The following ZNF528 variants were observed in gnomAD, a reference collection of about 807,000 sequenced individuals.
The protein encoded by ZNF528 is zinc finger protein 528.
Under a neutral mutation model 13.3 loss-of-function variants are expected in ZNF528, and 9 were observed. That is an observed-to-expected ratio of 0.67 (90% CI 0.41 to 1.18). The LOEUF (loss-of-function observed/expected upper bound fraction) is 1.18, where lower values mean the gene tolerates loss of function less well. Ranked by LOEUF, ZNF528 falls within the 50% of genes most tolerant of loss-of-function variation. The pLI is 0.01. For synonymous variants in ZNF528, 264 were observed against 254.3 expected (o/e 1.04, Z -0.36); for missense variants, 858 against 745.4 (o/e 1.15, Z -1.76).
chr19:52,416,312 A>C lies in ZNF528; in HGVS notation c.1460A>C (p.His487Pro). Residue 487 changes from histidine to proline, a missense_variant, in exon 7 of 7, where the codon CAT becomes CCT. Transcript: ENST00000360465. Reference protein sequence around the residue: ...KSSLTSHHRIHTGEKPYKCNR... With the variant: ...KSSLTSHHRIPTGEKPYKCNR... ...TCTCTAACCAGTCATCATAGAATTC[A>C]TACTGGAGAGAAGCCTTACAAATGT... 2 of 1,614,180 alleles carry C rather than the reference A, an allele frequency of 1.2e-6. No homozygotes were observed. Among genetic ancestry groups the C allele is most frequent in the Non-Finnish European group, 1.7e-6 (2 of 1,179,998 alleles).
chr19:52,414,095 C>A, intron 6 of ZNF528: 1 of 648,738 alleles, frequency 1.5e-6, no homozygotes, highest in Admixed American at 2.3e-5. Context: ...GTTCGCAGTA[C>A]TTTAGAGCAC....
chr19:52,402,264 A>C (rs1215861677), intron 4 of ZNF528, among the ~76,000 whole-genome samples: 2 of 152,158 alleles, frequency 1.3e-5, no homozygotes, highest in African/African-American at 2.4e-5. Flanking sequence ...CTCAGCAGAC[A>C]TGGATGGAGA....
chr19:52,414,377 T>C (rs1405101808), intron 6 of ZNF528: 1 of 699,288 alleles, frequency 1.4e-6, no homozygotes, highest in Admixed American at 2.0e-5. Context: ...AGGTGTATAT[T>C]TGGAAGAAGG....
rs151156724 is a variant in ZNF528, at chr19:52,398,868, G to A, written c.-137+249G>A. ...AGGAGAACAGGGAGAACCACAGCAG[G>A]GGGAGGCCTGGGATCTAAGGGTGCC... On this transcript the variant is annotated intron_variant, in intron 2 of 6. Transcript: ENST00000360465. Among the ~76,000 whole-genome samples the A allele has an allele frequency of 9.3e-3, 1,422 of 152,228 alleles. 28 individuals are homozygous for A. The highest frequency in any genetic ancestry group is 0.033 in the African/African-American group (1,360 of 41,538).
chr19:52,400,228 AC>A (rs1184260250), intron 2 of ZNF528, among the ~76,000 whole-genome samples: 1 of 2,546 alleles, frequency 3.9e-4, no homozygotes, highest in Admixed American at 3.4e-3. Context: ...GCCCATTAAA[AC>A]ACACACACAC....
chr19:52,414,157 T>A (rs1223280693), intron 6 of ZNF528: 1 of 701,144 alleles, frequency 1.4e-6, no homozygotes, highest in African/African-American at 1.7e-5. Context: ...TTATATCCGC[T>A]GCCAGCCGAC....
intron 6 of ZNF528, chr19:52,414,858 C>G: frequency 8.3e-7 from 1 of 1,203,650 alleles, no homozygotes; most frequent in African/African-American, 1.5e-5. Context: ...CCTGCTTCTT[C>G]CCAGAAGTTT....
intron 6 of ZNF528, chr19:52,414,308 C>T (rs185830898): frequency 2.8e-6 from 2 of 702,356 alleles, no homozygotes; most frequent in African/African-American, 1.7e-5. Context: ...TCACCAGTTG[C>T]CACCTGCACA....
At chr19:52,400,119 A>G (rs1213359452) in intron 2 of ZNF528, among the ~76,000 whole-genome samples, 5 of 151,602 alleles carry the variant, frequency 3.3e-5, no homozygotes, top group Non-Finnish European at 5.9e-5. Flanking sequence ...GGCCAGCCCC[A>G]TTCACTCTCT....
intron 2 of ZNF528, among the ~76,000 whole-genome samples, 195 bp downstream of exon 2, chr19:52,398,814 G>T (rs1463960057): frequency 1.3e-5 from 2 of 152,128 alleles, no homozygotes; most frequent in Non-Finnish European, 2.9e-5. Flanking sequence ...GCGTGGTGCT[G>T]GGACAGCCAG....
chr19:52,417,840 T>A lies in ZNF528; in HGVS notation c.*1101T>A, dbSNP rs1485400316. Reference sequence around the variant, plus strand: ...CATGTTGGCCAGGCAGGTCTCCAACTCCTGACCTCAAGTGATATGTTCACC... The same window carrying A: ...CATGTTGGCCAGGCAGGTCTCCAACACCTGACCTCAAGTGATATGTTCACC... On this transcript the variant is annotated 3_prime_UTR_variant, in exon 7 of 7. Coordinates refer to ENST00000360465, the MANE Select transcript of ZNF528 (RefSeq NM_032423.3). 6.6e-6 allele frequency: 1 copy of A among 152,188 alleles called. No individual in the cohort carries two copies. The highest frequency in any genetic ancestry group is 1.5e-5 in the Non-Finnish European group (1 of 68,076). The allele number at this position is 152,188 out of a possible 1,614,324, so 9.4% of individuals were successfully genotyped here. A position where few individuals can be genotyped will look rare whatever the true frequency, so the allele number is the denominator to read the frequency against.
chr19:52,414,065 C>G, intron 6 of ZNF528: 1 of 610,228 alleles, frequency 1.6e-6, no homozygotes, highest in Non-Finnish European at 3.0e-6. Flanking sequence ...CCCACGTTAC[C>G]CTGATTCAGA....
chr19:52,409,530 GCATCTTAAGA>G (rs990375835), intron 6 of ZNF528, among the ~76,000 whole-genome samples: 1 of 152,040 alleles, frequency 6.6e-6, no homozygotes, highest in Non-Finnish European at 1.5e-5. Flanking sequence ...AGCTGGTTAA[GCATCTTAAGA>G]CAGTTGCTTT....
At chr19:52,402,869 G>A (rs975759761) in intron 4 of ZNF528, among the ~76,000 whole-genome samples, 1 of 152,034 alleles carries the variant, frequency 6.6e-6, no homozygotes, top group Admixed American at 6.6e-5. Context: ...TTTAATGGAC[G>A]AAGCTTCATT....
rs956381297 is a variant in ZNF528, at chr19:52,417,063, A to C, written c.*324A>C. 6.9e-6 allele frequency: 2 copies of C among 290,434 alleles called. No individual in the cohort carries two copies. The highest frequency in any genetic ancestry group is 1.3e-5 in the Non-Finnish European group (2 of 153,710). 18.0% of individuals were successfully genotyped at this position (290,434 alleles called of 1,614,324 possible). A position where few individuals can be genotyped will look rare whatever the true frequency, so the allele number is the denominator to read the frequency against. On this transcript the variant is annotated 3_prime_UTR_variant, in exon 7 of 7. Coordinates refer to ENST00000360465, the MANE Select transcript of ZNF528 (RefSeq NM_032423.3). ...ATAATGCTAAGTCAAAATATGTTGA[A>C]TCTCATGACCTGATGTATATCAAAG... is the stretch of plus-strand genomic sequence containing the variant.
At position 52,415,199 on chromosome 19, in the gene ZNF528, A is replaced by G. The variant is rs1462504353; in HGVS notation, c.347A>G (p.His116Arg). The change falls in exon 7 of 7, where the codon CAT (histidine) becomes CGT (arginine). Residue 116 changes from histidine to arginine, a missense_variant. His to Arg is a conservative substitution (Grantham distance 29, BLOSUM62 0). Coordinates refer to ENST00000360465, the MANE Select transcript of ZNF528 (RefSeq NM_032423.3). ...CAACTTGGATTCACTTTTCAGTTACATCTGAGTGATCTACAGCTATTTCAA... is the reference window on the plus strand; with the variant it reads ...CAACTTGGATTCACTTTTCAGTTACGTCTGAGTGATCTACAGCTATTTCAA... ...KNQLGFTFQLHLSDLQLFQAE... is the reference protein window; with the variant it reads ...KNQLGFTFQLRLSDLQLFQAE... 1.2e-6 allele frequency: 2 copies of G among 1,613,654 alleles called. No individual in the cohort carries two copies. Among genetic ancestry groups the G allele is most frequent in the South Asian group, 2.2e-5 (2 of 90,940 alleles).
chr19:52,401,932 A>G lies in ZNF528; in HGVS notation c.-67-15A>G, dbSNP rs2058799686. The G allele has an allele frequency of 1.3e-5, 21 of 1,611,960 alleles. No individual in the cohort carries two copies. Among genetic ancestry groups the G allele is most frequent in the Non-Finnish European group, 1.7e-5 (20 of 1,178,730 alleles). ...GTTGATTCTAAGCCCTAAGCAGCAT[A>G]TTTTTGACATTCAGGATTCACTTCC... On this transcript the variant is annotated splice_polypyrimidine_tract_variant and intron_variant, in intron 3 of 6. Coordinates refer to ENST00000360465, the MANE Select transcript of ZNF528 (RefSeq NM_032423.3).
In ZNF528 at chr19:52,416,837, G is replaced by A. The variant is rs933585703; in HGVS notation, c.*98G>A. The A allele has an allele frequency of 2.8e-5, 36 of 1,278,252 alleles. No individual in the cohort carries two copies. The highest frequency in any genetic ancestry group is 3.4e-5 in the Non-Finnish European group (32 of 938,950). The allele number at this position is 1,278,252 out of a possible 1,614,324, so 79.2% of individuals were successfully genotyped here. A position where few individuals can be genotyped will look rare whatever the true frequency, so the allele number is the denominator to read the frequency against. On this transcript the variant is annotated 3_prime_UTR_variant, in exon 7 of 7. Coordinates refer to ENST00000360465, the MANE Select transcript of ZNF528 (RefSeq NM_032423.3). ...TAAGTGGAAATCATATAAATGAAATGTATGTGACACAGGCTTTATCAAGGC... is the reference window on the plus strand; with the variant it reads ...TAAGTGGAAATCATATAAATGAAATATATGTGACACAGGCTTTATCAAGGC...
At chr19:52,413,975 G>A (rs891411155) in intron 6 of ZNF528, 7 of 467,724 alleles carry the variant, frequency 1.5e-5, no homozygotes, top group Non-Finnish European at 2.0e-5. Context: ...TAATGTCTGT[G>A]AATTAACCTG....
Sources: allele counts gnomAD v4.1 joint callset (sites outside exome capture counted in the v4.1 genomes callset), GRCh38; gene constraint gnomAD v4.1.1; transcripts MANE v1.5; gene names NCBI Gene and HGNC (gene_info 2026-07-23, HGNC 2026-07-21).